Variants in MAN2B2 observed in about 807,000 individuals in gnomAD.
MAN2B2 encodes the protein mannosidase alpha class 2B member 2.
In MAN2B2, 106 loss-of-function variants were observed where a neutral mutation model predicts 117.1. The observed-to-expected ratio is 0.90, with a 90% CI of 0.77 to 1.06. The LOEUF is 1.06. Among genes scored for constraint, MAN2B2 ranks in the 50% least tolerant of loss-of-function variants. The pLI is 0.00. For synonymous variants in MAN2B2, 544 were observed against 595.1 expected (o/e 0.91, Z 1.25); for missense variants, 1,326 against 1,381.4 (o/e 0.96, Z 0.64).
chr4:6,608,718 C>G (rs1727640949), intron 11 of MAN2B2, among the ~76,000 whole-genome samples: 1 of 152,186 alleles, frequency 6.6e-6, no homozygotes, highest in Non-Finnish European at 1.5e-5. Flanking sequence ...GGCTCTGGCC[C>G]ATGACATGGG....
intron 13 of MAN2B2, 139 bp from the exon 14 acceptor site, chr4:6,610,741 T>C (rs958430216): frequency 4.3e-6 from 3 of 702,942 alleles, no homozygotes; most frequent in Admixed American, 2.1e-5. Flanking sequence ...CCCCAGTCTG[T>C]TGGTCTCCAA....
intron 3 of MAN2B2, among the ~76,000 whole-genome samples, chr4:6,580,553 TTC>T (rs1177303272): frequency 6.6e-6 from 1 of 152,102 alleles, no homozygotes; most frequent in Non-Finnish European, 1.5e-5. Flanking sequence ...CCTGTGCCAT[TTC>T]ACGCAGTGCT....
chr4:6,578,795 G>T (rs1020079604), intron 3 of MAN2B2, among the ~76,000 whole-genome samples: 5 of 152,036 alleles, frequency 3.3e-5, no homozygotes, highest in Non-Finnish European at 7.4e-5. Flanking sequence ...TAGATAAAAT[G>T]AGTTTGATGG....
chr4:6,621,619 G>A lies in MAN2B2; in HGVS notation c.*334G>A, dbSNP rs1331147137. On this transcript the variant is annotated 3_prime_UTR_variant, in exon 19 of 19. Transcript: ENST00000285599. ...CCTAAGGCAGAGCACAAGACTCACAGCAGCACCGAAGCGCATCTGCCGTCC... is the reference window on the plus strand; with the variant it reads ...CCTAAGGCAGAGCACAAGACTCACAACAGCACCGAAGCGCATCTGCCGTCC... The A allele has an allele frequency of 9.9e-6, 2 of 202,846 alleles. No homozygotes were observed. The highest frequency in any genetic ancestry group is 2.0e-5 in the Non-Finnish European group (2 of 100,626). 12.6% of individuals were successfully genotyped at this position (202,846 alleles called of 1,614,324 possible). A position where few individuals can be genotyped will look rare whatever the true frequency, so the allele number is the denominator to read the frequency against.
intron 2 of MAN2B2, among the ~76,000 whole-genome samples, chr4:6,577,635 G>C (rs953048569): frequency 9.2e-5 from 14 of 152,336 alleles, no homozygotes; most frequent in Admixed American, 9.1e-4. Flanking sequence ...GCGGCAGGTG[G>C]GATTCTGAGC....
chr4:6,609,160 A>T lies in MAN2B2; in HGVS notation c.1868A>T (p.Asn623Ile), dbSNP rs1727661808. 6.2e-7 allele frequency: 1 copy of T among 1,614,238 alleles called. No homozygotes were observed. Among genetic ancestry groups the T allele is most frequent in the Non-Finnish European group, 8.5e-7 (1 of 1,180,036 alleles). ...CAGGAATTCCTGGAGTACCACGTCA[A>T]CGGGGATGTGAAACAGGGCCCCATT... ...VTQEFLEYHVNGDVKQGPISD... is the reference protein window; with the variant it reads ...VTQEFLEYHVIGDVKQGPISD... Residue 623 changes from asparagine to isoleucine, a missense_variant, in exon 12 of 19, where the codon AAC (asparagine) becomes ATC (isoleucine). Coordinates refer to ENST00000285599, the MANE Select transcript of MAN2B2 (RefSeq NM_015274.3).
intron 5 of MAN2B2, among the ~76,000 whole-genome samples, chr4:6,590,153 C>T (rs1263956219): frequency 6.6e-6 from 1 of 152,050 alleles, no homozygotes; most frequent in Non-Finnish European, 1.5e-5. Context: ...AGGTGGATCA[C>T]TTCAGGTCAG....
rs540593849 is a variant in MAN2B2 at position 6,595,319 on chromosome 4, G to T, written c.1057+587G>T. Among the ~76,000 whole-genome samples the T allele has an allele frequency of 1.1e-4, 16 of 152,366 alleles. No individual in the cohort carries two copies. The South Asian group carries it at 3.3e-3, about 32-fold the overall frequency. On this transcript the variant is annotated intron_variant, in intron 7 of 18. Transcript: ENST00000285599. ...TGGTGCCTCGTGCATAGATAGGGTT[G>T]CTGTGAAAATTCAATGAGAAGAAGT...
chr4:6,591,926 G>T (rs1373053867), intron 5 of MAN2B2, among the ~76,000 whole-genome samples: 3 of 152,190 alleles, frequency 2.0e-5, no homozygotes, highest in African/African-American at 7.2e-5. Flanking sequence ...GCCCACTGAC[G>T]GAGATGCTGT....
chr4:6,610,700 A>G (rs1034954810), intron 13 of MAN2B2, among the ~76,000 whole-genome samples, 180 bp from the exon 14 acceptor site: 3 of 152,188 alleles, frequency 2.0e-5, no homozygotes, highest in Non-Finnish European at 4.4e-5. Flanking sequence ...GCTGAGCTGT[A>G]TGCTAGGAAG....
intron 16 of MAN2B2, among the ~76,000 whole-genome samples, chr4:6,614,581 A>C (rs891627325): frequency 2.0e-5 from 3 of 152,156 alleles, no homozygotes; most frequent in African/African-American, 7.2e-5. Context: ...CTGTGACCCC[A>C]GCGCATTCTG....
chr4:6,593,355 G>A lies in MAN2B2; in HGVS notation c.858+5G>A, dbSNP rs933645913. 6.2e-7 allele frequency: 1 copy of A among 1,610,304 alleles called. No individual in the cohort carries two copies. Among genetic ancestry groups the A allele is most frequent in the Non-Finnish European group, 8.5e-7 (1 of 1,178,370 alleles). ...CCGCACGTCCTCTGGCCCTGGGTAA[G>A]GCAGAGTCCCAGGTGCTGTGCCCTC... On this transcript the variant is annotated splice_donor_5th_base_variant and intron_variant, in intron 6 of 18. Coordinates refer to ENST00000285599, the MANE Select transcript of MAN2B2 (RefSeq NM_015274.3).
In MAN2B2 at chr4:6,610,886, T is replaced by G; in HGVS notation, c.2266T>G (p.Tyr756Asp). 6.2e-7 allele frequency: 1 copy of G among 1,614,182 alleles called. No homozygotes were observed. The highest frequency in any genetic ancestry group is 2.2e-5 in the East Asian group (1 of 44,886). Residue 756 changes from tyrosine (Y) to aspartate (D), a missense_variant, in exon 14 of 19, where the codon TAC (tyrosine) becomes GAC (aspartate). Coordinates refer to ENST00000285599, the MANE Select transcript of MAN2B2 (RefSeq NM_015274.3). Reference protein sequence around the residue: ...YVNNSIARNYYPMVQSAFMED... With the variant: ...YVNNSIARNYDPMVQSAFMED... The stretch of plus-strand genomic sequence containing the variant: ...GCGATGTTTCTGTCTGCAGAATTAC[T>G]ACCCCATGGTTCAGTCGGCCTTCAT...
chr4:6,576,673 G>A lies in MAN2B2; in HGVS notation c.234G>A (p.Glu78=). The stretch of plus-strand genomic sequence containing the variant: ...GCCGGTTCATCGCTGTGGAGCAGGA[G>A]TTTTTCCGGCTGTGGTGGGATGGCG... ...QQRRFIAVEQ[E]FFRLWWDGVA... The change falls in exon 2 of 19, where the codon GAG becomes GAA. Residue 78 remains glutamate, a synonymous_variant. Transcript: ENST00000285599. 1 of 1,614,032 alleles carries A rather than the reference G, an allele frequency of 6.2e-7. No homozygotes were observed. The highest frequency in any genetic ancestry group is 1.1e-5 in the South Asian group (1 of 91,088).
chr4:6,617,190 C>T (rs1711921309), intron 16 of MAN2B2, among the ~76,000 whole-genome samples, 190 bp from the exon 17 acceptor site: 1 of 152,156 alleles, frequency 6.6e-6, no homozygotes, highest in Non-Finnish European at 1.5e-5. Context: ...CCACCAGGTC[C>T]CTCCCACAAC....
chr4:6,583,925 T>C (rs535631721), intron 3 of MAN2B2, among the ~76,000 whole-genome samples: 69 of 152,326 alleles, frequency 4.5e-4, no homozygotes, highest in African/African-American at 1.6e-3. Context: ...CACATGCCCA[T>C]CTGACGCTTT....
At chr4:6,575,491 T>A in intron 1 of MAN2B2, 143 bp downstream of exon 1, 1 of 551,976 alleles carries the variant, frequency 1.8e-6, no homozygotes, top group Non-Finnish European at 3.0e-6. Context: ...TGCCATTGAC[T>A]GGTTGCGTCG....
In MAN2B2 at chr4:6,621,448, T is replaced by G. The variant is rs189314845; in HGVS notation, c.*163T>G. The G allele has an allele frequency of 1.7e-6, 1 of 583,962 alleles. No individual in the cohort carries two copies. The highest frequency in any genetic ancestry group is 3.0e-6 in the Non-Finnish European group (1 of 338,066). 36.2% of individuals were successfully genotyped at this position (583,962 alleles called of 1,614,324 possible). ...GGTCATATTTGGGGTTTTTCCCTAA[T>G]TTTTTTAAACAAAAATTACATTACA... is the stretch of plus-strand genomic sequence containing the variant. On this transcript the variant is annotated 3_prime_UTR_variant, in exon 19 of 19. Transcript: ENST00000285599.
Position 6,621,408 on chromosome 4 carries a change from C to A in MAN2B2, c.*123C>A. 1.4e-6 allele frequency: 1 copy of A among 702,648 alleles called. No homozygotes were observed. The highest frequency in any genetic ancestry group is 2.1e-5 in the South Asian group (1 of 47,834). The allele number at this position is 702,648 out of a possible 1,614,324, so 43.5% of individuals were successfully genotyped here. On this transcript the variant is annotated 3_prime_UTR_variant, in exon 19 of 19. Coordinates refer to ENST00000285599, the MANE Select transcript of MAN2B2 (RefSeq NM_015274.3). ...GGGGAGTCAGCTGCTCATCTGCAGGCTAATGGCAGGAAATGGTCATATTTG... is the reference window on the plus strand; with the variant it reads ...GGGGAGTCAGCTGCTCATCTGCAGGATAATGGCAGGAAATGGTCATATTTG...
Sources: gnomAD v4.1 joint callset for allele counts (sites outside exome capture counted in the v4.1 genomes callset) on GRCh38, gnomAD v4.1.1 for gene constraint, MANE v1.5 for transcripts, NCBI Gene and HGNC (gene_info 2026-07-23, HGNC 2026-07-21) for gene names.